STRN: variants seen among roughly 807,000 people sequenced by gnomAD.
STRN encodes striatin.
A neutral mutation model predicts 96.3 loss-of-function variants in STRN; 53 were observed. The ratio of observed to expected loss-of-function variants is 0.55; its 90% CI spans 0.44 to 0.69. The LOEUF (loss-of-function observed/expected upper bound fraction) is 0.69. Among genes scored for constraint, STRN ranks in the 30% least tolerant of loss-of-function variants. The probability of loss-of-function intolerance (pLI) is 0.00; values close to 1 mark genes in which losing one functional copy is unlikely to be tolerated. For missense variants in STRN, 987 were observed against 963.9 expected (o/e 1.02, Z -0.32); for synonymous variants, 428 against 355.9 (o/e 1.20, Z -2.28).
chr2:36,905,704 T>C (rs1669802193), intron 3 of STRN, 86 bp from the exon 4 acceptor site: 2 of 1,167,506 alleles, frequency 1.7e-6, no homozygotes, highest in South Asian at 2.5e-5. Context: ...AATAAACATT[T>C]ATAAGATTAA....
intron 1 of STRN, among the ~76,000 whole-genome samples, chr2:36,941,122 C>T (rs1479281647): frequency 6.6e-6 from 1 of 152,168 alleles, no homozygotes; most frequent in East Asian, 1.9e-4. Flanking sequence ...TGCCACTGCT[C>T]TCCAGCCTGA....
intron 15 of STRN, among the ~76,000 whole-genome samples, chr2:36,853,697 TA>T (rs1668275178): frequency 6.6e-6 from 1 of 152,222 alleles, no homozygotes; most frequent in Non-Finnish European, 1.5e-5. Flanking sequence ...AAACTCTATA[TA>T]AAACTCACTT....
intron 1 of STRN, 41 bp downstream of exon 1, chr2:36,966,187 CAA>C (rs1195806993): frequency 1.3e-6 from 2 of 1,491,140 alleles, no homozygotes; most frequent in Non-Finnish European, 1.8e-6. Flanking sequence ...CGGAAGGGAG[CAA>C]AGAGGCGGGA....
chr2:36,886,766 T>A lies in STRN; in HGVS notation c.992A>T (p.Lys331Ile). 1 of 1,613,662 alleles carries A rather than the reference T, an allele frequency of 6.2e-7. No individual in the cohort carries two copies. The highest frequency in any genetic ancestry group is 8.5e-7 in the Non-Finnish European group (1 of 1,179,790). ...CTCCTTTTTGTATTGTTCCTTGAGT[T>A]TGGTAATTACTCCCTGGTCCACATT... is the stretch of plus-strand genomic sequence containing the variant. Reference protein sequence around the residue: ...AWNVDQGVITKLKEQYKKERK... With the variant: ...AWNVDQGVITILKEQYKKERK... The change falls in exon 8 of 18, where the codon AAA becomes ATA. Residue 331 changes from lysine to isoleucine, a missense_variant. Coordinates refer to ENST00000263918, the MANE Select transcript of STRN (RefSeq NM_003162.4).
At position 36,844,129 on chromosome 2, in the gene STRN, A is replaced by G. The variant is rs1668009723; in HGVS notation, c.*5327T>C. On this transcript the variant is annotated 3_prime_UTR_variant, in exon 18 of 18. Transcript: ENST00000263918. Reference sequence around the variant, plus strand: ...ACCAGCAGATTTCAATATTAAAAAGAAGTGGTTCCTCCTAAAAAAGGTATT... The same window carrying G: ...ACCAGCAGATTTCAATATTAAAAAGGAGTGGTTCCTCCTAAAAAAGGTATT... 1 of 152,076 alleles carries G rather than the reference A, an allele frequency of 6.6e-6. No homozygotes were observed. The highest frequency in any genetic ancestry group is 1.5e-5 in the Non-Finnish European group (1 of 68,002). The allele number at this position is 152,076 out of a possible 1,614,324, so 9.4% of individuals were successfully genotyped here.
At chr2:36,922,874 C>T (rs1435379378) in intron 2 of STRN, among the ~76,000 whole-genome samples, 2 of 152,180 alleles carry the variant, frequency 1.3e-5, no homozygotes, top group Admixed American at 6.5e-5. Context: ...CCGGGCCGCA[C>T]GCGGTGGCTC....
intron 1 of STRN, among the ~76,000 whole-genome samples, chr2:36,965,103 TCTC>T (rs1212798679): frequency 1.3e-5 from 2 of 150,822 alleles, no homozygotes; most frequent in East Asian, 2.0e-4. Flanking sequence ...TTAACAGATT[TCTC>T]CTCTTCTTTT....
intron 1 of STRN, among the ~76,000 whole-genome samples, chr2:36,925,947 T>A (rs1310071453): frequency 6.6e-6 from 1 of 152,176 alleles, no homozygotes; most frequent in African/African-American, 2.4e-5. Flanking sequence ...TATTTAAATT[T>A]TATGACAGAT....
At chr2:36,869,911 T>C (rs1668720951) in intron 10 of STRN, among the ~76,000 whole-genome samples, 182 bp from the exon 11 acceptor site, 1 of 152,148 alleles carries the variant, frequency 6.6e-6, no homozygotes, top group Non-Finnish European at 1.5e-5. Context: ...AACCCAACAC[T>C]AGTTTTCTTT....
At chr2:36,932,884 C>A (rs773784173) in intron 1 of STRN, among the ~76,000 whole-genome samples, 2 of 152,158 alleles carry the variant, frequency 1.3e-5, no homozygotes, top group African/African-American at 2.4e-5. Context: ...CACATTATCA[C>A]CTTATGGCAG....
rs1262098303 is a variant in STRN at position 36,921,995 on chromosome 2, T to G, written c.338+3110A>C. Among the ~76,000 whole-genome samples, 3 of 152,306 alleles carry G rather than the reference T, an allele frequency of 2.0e-5. No homozygotes were observed. The East Asian group carries it at 5.8e-4, about 29-fold the overall frequency. On this transcript the variant is annotated intron_variant, in intron 2 of 17. Transcript: ENST00000263918. The stretch of plus-strand genomic sequence containing the variant: ...CAGATAATAGAATATCAATGTTACA[T>G]TTCTTTAATTTGGTAATATACTATA...
Position 36,859,451 on chromosome 2 carries a change from GT to G in STRN, c.1670-1429del, listed in dbSNP as rs1668424409. Reference sequence around the variant, plus strand: ...ACAGGGAATCTGAAGTAATTCTTAGGTTTCTAGTTTGGGTGATTCTCATAGT... The same window carrying G: ...ACAGGGAATCTGAAGTAATTCTTAGGTTCTAGTTTGGGTGATTCTCATAGT... On this transcript the variant is annotated intron_variant, in intron 13 of 17. Transcript: ENST00000263918. 2.0e-5 allele frequency among the ~76,000 whole-genome samples: 3 copies of G among 152,150 alleles called. No individual in the cohort carries two copies. The South Asian group carries it at 6.2e-4, about 32-fold the overall frequency.
At chr2:36,940,528 T>TA (rs1206134854) in intron 1 of STRN, among the ~76,000 whole-genome samples, 1 of 151,964 alleles carries the variant, frequency 6.6e-6, no homozygotes, top group Non-Finnish European at 1.5e-5. Context: ...ATTTTTGTCT[T>TA]AAAAAAAGTA....
At chr2:36,933,144 CATCT>C (rs1670617552) in intron 1 of STRN, among the ~76,000 whole-genome samples, 4 of 151,888 alleles carry the variant, frequency 2.6e-5, no homozygotes, top group South Asian at 2.1e-4. Flanking sequence ...TTCAGTCAAC[CATCT>C]ATCAAAAACA....
chr2:36,920,869 G>T (rs1228869435), intron 2 of STRN, among the ~76,000 whole-genome samples: 1 of 151,846 alleles, frequency 6.6e-6, no homozygotes, highest in Admixed American at 6.6e-5. Context: ...AAGGTCAAGG[G>T]ATCGAGACCA....
chr2:36,899,011 A>C (rs1669615129), intron 6 of STRN, among the ~76,000 whole-genome samples: 1 of 152,188 alleles, frequency 6.6e-6, no homozygotes, highest in Non-Finnish European at 1.5e-5. Flanking sequence ...TCTCATTCCA[A>C]GAACCTGCCA....
At chr2:36,937,698 A>G (rs567932519) in intron 1 of STRN, among the ~76,000 whole-genome samples, 20 of 152,176 alleles carry the variant, frequency 1.3e-4, no homozygotes, top group African/African-American at 3.8e-4. Flanking sequence ...AGAAAAAAAA[A>G]AAGAGAAGAA....
At chr2:36,869,899 A>G (rs942707292) in intron 10 of STRN, among the ~76,000 whole-genome samples, 170 bp from the exon 11 acceptor site, 3 of 152,214 alleles carry the variant, frequency 2.0e-5, no homozygotes, top group Non-Finnish European at 2.9e-5. Context: ...AAAATTAGCA[A>G]TAACCCAACA....
In STRN at chr2:36,839,781, C is replaced by T. The variant is rs561002438; in HGVS notation, c.*9675G>A. ...GTATATGTTTAATGTTGAGATTATTCGTTGAATATTTCATATGTAATTTGC... is the reference window on the plus strand; with the variant it reads ...GTATATGTTTAATGTTGAGATTATTTGTTGAATATTTCATATGTAATTTGC... On this transcript the variant is annotated 3_prime_UTR_variant, in exon 18 of 18. Transcript: ENST00000263918. 1.3e-5 allele frequency: 2 copies of T among 152,122 alleles called. No individual in the cohort carries two copies. Among genetic ancestry groups the T allele is most frequent in the East Asian group, 1.9e-4 (1 of 5,180 alleles). 9.4% of individuals were successfully genotyped at this position (152,122 alleles called of 1,614,324 possible). A position where few individuals can be genotyped will look rare whatever the true frequency, so the allele number is the denominator to read the frequency against.
Sources: allele counts gnomAD v4.1 joint callset (sites outside exome capture counted in the v4.1 genomes callset), GRCh38; gene constraint gnomAD v4.1.1; transcripts MANE v1.5; gene names NCBI Gene and HGNC (gene_info 2026-07-23, HGNC 2026-07-21).